Variants in RB1 observed in about 807,000 individuals in gnomAD.
RB1 encodes the protein retinoblastoma-associated protein.
Under a neutral mutation model 135.4 loss-of-function variants are expected in RB1, and 18 were observed. The observed-to-expected ratio is 0.13, with a 90% confidence interval of 0.09 to 0.20. The LOEUF (loss-of-function observed/expected upper bound fraction) is 0.20, where lower values mean the gene tolerates loss of function less well. Ranked by LOEUF, RB1 falls within the 10% of genes least tolerant of loss-of-function variation. The probability of loss-of-function intolerance (pLI) is 1.00; values close to 1 mark genes in which losing one functional copy is unlikely to be tolerated. For synonymous variants in RB1, 365 were observed against 373.2 expected (o/e 0.98, Z 0.25); for missense variants, 868 against 1,110.0 (o/e 0.78, Z 3.10).
At chr13:48,444,286 G>A (rs916530127) in intron 17 of RB1, among the ~76,000 whole-genome samples, 1 of 152,314 alleles carries the variant, frequency 6.6e-6, no homozygotes, top group African/African-American at 2.4e-5. Context: ...GGAGGTCGAG[G>A]TGGGCAGATC....
chr13:48,477,692 T>C (rs774170985), intron 26 of RB1, among the ~76,000 whole-genome samples: 4 of 152,164 alleles, frequency 2.6e-5, no homozygotes, highest in Non-Finnish European at 5.9e-5. Context: ...GAAAATACTT[T>C]AGCAGAACTA....
intron 2 of RB1, among the ~76,000 whole-genome samples, chr13:48,310,144 A>G (rs1259830498): frequency 6.6e-6 from 1 of 152,088 alleles, no homozygotes; most frequent in African/African-American, 2.4e-5. Context: ...TTTAAGTTAG[A>G]GTTACGTTTT....
intron 17 of RB1, among the ~76,000 whole-genome samples, chr13:48,405,569 T>G (rs2138187494): frequency 6.6e-6 from 1 of 152,334 alleles, no homozygotes; most frequent in Admixed American, 6.5e-5. Flanking sequence ...ATTTATATAT[T>G]GTCTGTGGCT....
chr13:48,464,908 A>T (rs1218476194), intron 21 of RB1, 90 bp from the exon 22 acceptor site: 1 of 1,395,752 alleles, frequency 7.2e-7, no homozygotes, highest in African/African-American at 1.5e-5. Flanking sequence ...CTATTAGAAA[A>T]GAAAATCTAA....
intron 9 of RB1, among the ~76,000 whole-genome samples, chr13:48,366,406 C>CT (rs1271430946): frequency 6.6e-6 from 1 of 152,114 alleles, no homozygotes; most frequent in East Asian, 1.9e-4. Flanking sequence ...ACTGTTCTAT[C>CT]TAATACATTT....
intron 17 of RB1, among the ~76,000 whole-genome samples, chr13:48,419,126 A>C (rs112083806): frequency 0.011 from 1,643 of 152,268 alleles, 30 homozygotes; most frequent in African/African-American, 0.037. Flanking sequence ...AAAACTAACC[A>C]CATGATTGGG....
chr13:48,311,967 C>G (rs1254562387), intron 2 of RB1, among the ~76,000 whole-genome samples: 1 of 152,230 alleles, frequency 6.6e-6, no homozygotes, highest in Non-Finnish European at 1.5e-5. Flanking sequence ...TCCCAAAGTG[C>G]TGGCATTACA....
chr13:48,309,915 A>G (rs966779944), intron 2 of RB1, among the ~76,000 whole-genome samples: 16 of 152,036 alleles, frequency 1.1e-4, no homozygotes, highest in Non-Finnish European at 2.1e-4. Flanking sequence ...CTTTGTCTCT[A>G]CCTTCCCTGG....
chr13:48,433,726 A>T (rs1198187681), intron 17 of RB1, among the ~76,000 whole-genome samples: 1 of 152,004 alleles, frequency 6.6e-6, no homozygotes, highest in African/African-American at 2.4e-5. Flanking sequence ...GTATTACAAA[A>T]CAATGATATC....
chr13:48,354,279 T>C (rs1326106441), intron 6 of RB1, among the ~76,000 whole-genome samples: 1 of 152,200 alleles, frequency 6.6e-6, no homozygotes. Flanking sequence ...GTAATGTTTC[T>C]GTATGCCAAC....
rs1949535412 is a variant in RB1 at position 48,481,017 on chromosome 13, G to T, written c.*946G>T. ...ACAAATTAATTTTACTCCATAAACA[G>T]ACTGTTAATTATAGGAGCCTTAATT... On this transcript the variant is annotated 3_prime_UTR_variant, in exon 27 of 27. Coordinates refer to ENST00000267163, the MANE Select transcript of RB1 (RefSeq NM_000321.3). 4.4e-6 allele frequency: 1 copy of T among 229,014 alleles called. No homozygotes were observed. The highest frequency in any genetic ancestry group is 1.8e-4 in the South Asian group (1 of 5,502). 14.2% of individuals were successfully genotyped at this position (229,014 alleles called of 1,614,324 possible).
In RB1 at chr13:48,465,124, T is replaced by C. The variant is rs764564081; in HGVS notation, c.2325+13T>C. On this transcript the variant is annotated intron_variant, in intron 22 of 26. Coordinates refer to ENST00000267163, the MANE Select transcript of RB1 (RefSeq NM_000321.3). ...TGCTTCCACCAGGGTAGGTCAAAAGTATCCTTTGATTGGAAAAATCTAATG... is the reference window on the plus strand; with the variant it reads ...TGCTTCCACCAGGGTAGGTCAAAAGCATCCTTTGATTGGAAAAATCTAATG... The C allele has an allele frequency of 1.9e-6, 3 of 1,613,328 alleles. No homozygotes were observed. Among genetic ancestry groups the C allele is most frequent in the Non-Finnish European group, 2.5e-6 (3 of 1,179,316 alleles).
intron 17 of RB1, among the ~76,000 whole-genome samples, chr13:48,387,537 T>C (rs1236025674): frequency 6.6e-6 from 1 of 152,038 alleles, no homozygotes; most frequent in Non-Finnish European, 1.5e-5. Flanking sequence ...CTAAGGCTGG[T>C]GGGGAGGACT....
At chr13:48,346,094 G>A (rs1952493411) in intron 4 of RB1, among the ~76,000 whole-genome samples, 1 of 122,138 alleles carries the variant, frequency 8.2e-6, no homozygotes, top group Non-Finnish European at 1.7e-5. Context: ...GGTAGCATTG[G>A]CCATCTTTTT....
At chr13:48,316,616 A>G (rs894166926) in intron 2 of RB1, among the ~76,000 whole-genome samples, 2 of 152,142 alleles carry the variant, frequency 1.3e-5, no homozygotes, top group East Asian at 3.8e-4. Flanking sequence ...CATATTTACC[A>G]GGACACATCT....
intron 17 of RB1, among the ~76,000 whole-genome samples, chr13:48,395,590 G>A (rs957025239): frequency 6.6e-6 from 1 of 151,478 alleles, no homozygotes; most frequent in African/African-American, 2.4e-5. Context: ...GCATACACAA[G>A]TACCAATAGC....
At chr13:48,474,820 T>A (rs1248438700) in intron 24 of RB1, among the ~76,000 whole-genome samples, 1 of 152,174 alleles carries the variant, frequency 6.6e-6, no homozygotes, top group Admixed American at 6.5e-5. Context: ...AAGTCACTAA[T>A]TCAGCAGTCC....
chr13:48,366,879 G>T (rs1306535348), intron 9 of RB1, among the ~76,000 whole-genome samples: 2 of 152,148 alleles, frequency 1.3e-5, no homozygotes, highest in Non-Finnish European at 2.9e-5. Context: ...AGTACTTTGG[G>T]AGGCCGAGGC....
intron 2 of RB1, among the ~76,000 whole-genome samples, chr13:48,326,692 T>G (rs1230410392): frequency 4.6e-5 from 7 of 152,158 alleles, no homozygotes; most frequent in Non-Finnish European, 4.4e-5. Flanking sequence ...CACAGGTTGC[T>G]TCTCTGAGTT....
Sources: gnomAD v4.1 joint callset for allele counts (sites outside exome capture counted in the v4.1 genomes callset) on GRCh38, gnomAD v4.1.1 for gene constraint, MANE v1.5 for transcripts, NCBI Gene and HGNC (gene_info 2026-07-23, HGNC 2026-07-21) for gene names.